ATAD3C: variants seen among roughly 807,000 people sequenced by gnomAD.
ATAD3C encodes the protein ATPase family AAA domain containing 3C, also known as ATPase family AAA domain-containing protein 3C.
A neutral mutation model predicts 46.3 loss-of-function variants in ATAD3C; 38 were observed. That is an observed-to-expected ratio of 0.82 (90% CI 0.63 to 1.08). The LOEUF is 1.08. ATAD3C is among the 50% of genes least tolerant of loss of function. The pLI is 0.00. For missense variants in ATAD3C, 563 were observed against 572.7 expected (o/e 0.98, Z 0.17); for synonymous variants, 220 against 236.4 (o/e 0.93, Z 0.63).
At position 1,452,434 on chromosome 1, in the gene ATAD3C, G is replaced by A. The variant is rs757248068; in HGVS notation, c.222G>A (p.Thr74=). The A allele has an allele frequency of 6.2e-6, 10 of 1,613,584 alleles. No homozygotes were observed. Among genetic ancestry groups the A allele is most frequent in the African/African-American group, 4.0e-5 (3 of 74,886 alleles). ...CAGACCGGGACAAAGTGACAGCCAC[G>A]GTAAACATACTCATAAAACAGGGCT... ...FVTDRDKVTA[T]VAGLTLLAVG... is the part of the protein sequence containing the mutation. The change falls in exon 3 of 12, where the codon ACG becomes ACA. Residue 74 remains threonine (T), a splice_region_variant and synonymous_variant. Coordinates refer to ENST00000378785, the MANE Select transcript of ATAD3C (RefSeq NM_001039211.3).
At chr1:1,457,077 G>GGGCTGCTCCT in intron 7 of ATAD3C, 52 bp from the exon 8 acceptor site, 5 of 1,610,004 alleles carry the variant, frequency 3.1e-6, no homozygotes, top group Non-Finnish European at 4.2e-6. Context: ...ACGCCGCTGT[G>GGGCTGCTCCT]GGCTGCTCCT....
chr1:1,461,241 GCA>G (rs1639059629), intron 10 of ATAD3C, among the ~76,000 whole-genome samples: 3 of 151,958 alleles, frequency 2.0e-5, no homozygotes, highest in Non-Finnish European at 4.4e-5. Flanking sequence ...AGGCTGGAGT[GCA>G]GTGGCACGAT....
Position 1,460,819 on chromosome 1 carries a change from G to A in ATAD3C, c.882G>A (p.Val294=). The A allele has an allele frequency of 1.2e-6, 2 of 1,613,042 alleles. No individual in the cohort carries two copies. Among genetic ancestry groups the A allele is most frequent in the Non-Finnish European group, 1.7e-6 (2 of 1,179,452 alleles). The change falls in exon 10 of 12, where the codon GTG becomes GTA. Residue 294 remains valine (V), a synonymous_variant. Transcript: ENST00000378785. ...FDWAINACID[V]MVHFDLPGQE... ...GGGCCATCAATGCCTGCATCGACGT[G>A]ATGGTCCACTTCGACCTGCCAGGGC...
Position 1,450,522 on chromosome 1 carries a change from C to T in ATAD3C, c.-162C>T, listed in dbSNP as rs989383619. On this transcript the variant is annotated 5_prime_UTR_variant, in exon 1 of 12. In the 5' UTR this introduces an upstream ATG that the reference lacks. Coordinates refer to ENST00000378785, the MANE Select transcript of ATAD3C (RefSeq NM_001039211.3). ...GTGTGCTGGGGATGGGGCATCGTCA[C>T]GCCAGGTCTGACTAGGAAGGAGGAT... 1.6e-5 allele frequency: 14 copies of T among 892,976 alleles called. No individual in the cohort carries two copies. The highest frequency in any genetic ancestry group is 1.1e-4 in the East Asian group (4 of 37,484). 55.3% of individuals were successfully genotyped at this position (892,976 alleles called of 1,614,324 possible). A position where few individuals can be genotyped will look rare whatever the true frequency, so the allele number is the denominator to read the frequency against.
intron 11 of ATAD3C, among the ~76,000 whole-genome samples, chr1:1,466,435 C>G (rs965317495): frequency 4.7e-5 from 7 of 149,640 alleles, no homozygotes; most frequent in Non-Finnish European, 1.0e-4. Context: ...TGCCTGTAGT[C>G]CCAGCTACTC....
chr1:1,465,177 C>T (rs994709871), intron 11 of ATAD3C, among the ~76,000 whole-genome samples: 1 of 151,722 alleles, frequency 6.6e-6, no homozygotes, highest in African/African-American at 2.4e-5. Context: ...GTGTGGGCCA[C>T]GGAGCCCGGT....
intron 4 of ATAD3C, 37 bp from the exon 5 acceptor site, chr1:1,455,423 G>A (rs1638941286): frequency 6.2e-7 from 1 of 1,607,906 alleles, no homozygotes; most frequent in African/African-American, 1.3e-5. Context: ...CCGTGGCTGT[G>A]GCAGGTGACC....
chr1:1,460,571 G>A (rs1298184668), intron 9 of ATAD3C, among the ~76,000 whole-genome samples, 179 bp from the exon 10 acceptor site: 3 of 152,062 alleles, frequency 2.0e-5, no homozygotes, highest in Non-Finnish European at 2.9e-5. Flanking sequence ...TGGGCGTGGT[G>A]GGGCAGGCAG....
Position 1,452,380 on chromosome 1 carries a change from G to T in ATAD3C, c.168G>T (p.Leu56Phe). Residue 56 changes from leucine to phenylalanine, a missense_variant, in exon 3 of 12, where the codon TTG (leucine) becomes TTT (phenylalanine). Leu to Phe is a conservative substitution (Grantham distance 22). This residue lies in a region of ATAD3C where 263 missense variants were observed against 243.1 expected (regional missense o/e 1.08). Transcript: ENST00000378785. ...FLESIRAAGT[L>F]FGEGFRAFVT... ...TTCCCCACAGGGCGGCTGGCACCTT[G>T]TTTGGGGAAGGATTCCGTGCCTTTG... 6.2e-7 allele frequency: 1 copy of T among 1,613,822 alleles called. No homozygotes were observed. Among genetic ancestry groups the T allele is most frequent in the Non-Finnish European group, 8.5e-7 (1 of 1,179,776 alleles).
chr1:1,465,569 C>T (rs1469580813), intron 11 of ATAD3C, among the ~76,000 whole-genome samples: 11 of 122,494 alleles, frequency 9.0e-5, no homozygotes, highest in Non-Finnish European at 1.3e-4. Context: ...CCAGCCTGGG[C>T]GACAGAGCAA....
chr1:1,460,370 T>C (rs78757391), intron 9 of ATAD3C, among the ~76,000 whole-genome samples: 23,183 of 152,050 alleles, frequency 0.15, 4,345 homozygotes, highest in East Asian at 0.47. Flanking sequence ...CGTGAGCCAC[T>C]GCGTCTGGCC....
At chr1:1,454,279 G>T (rs561180764) in intron 3 of ATAD3C, 66 bp from the exon 4 acceptor site, 1 of 1,531,278 alleles carries the variant, frequency 6.5e-7, no homozygotes, top group South Asian at 1.2e-5. Context: ...GCAGCCCCGT[G>T]CGTCTCCTGC....
chr1:1,454,320 C>T lies in ATAD3C; in HGVS notation c.223-25C>T, dbSNP rs778383372. On this transcript the variant is annotated intron_variant, in intron 3 of 11. Coordinates refer to ENST00000378785, the MANE Select transcript of ATAD3C (RefSeq NM_001039211.3). Reference sequence around the variant, plus strand: ...GAGGGAGGGACGGTGGGGGCCGGTGCGCCAGTGCGGTGTCTCTGCTGCAGG... The same window carrying T: ...GAGGGAGGGACGGTGGGGGCCGGTGTGCCAGTGCGGTGTCTCTGCTGCAGG... The T allele has an allele frequency of 3.3e-5, 52 of 1,586,816 alleles. 2 individuals carry two copies. The highest frequency in any genetic ancestry group is 4.5e-4 in the Middle Eastern group (2 of 4,428).
At chr1:1,461,362 ATT>A in intron 10 of ATAD3C, among the ~76,000 whole-genome samples, 1 of 151,648 alleles carries the variant, frequency 6.6e-6, no homozygotes, top group East Asian at 1.9e-4. Flanking sequence ...TACTTTTCGT[ATT>A]TTTTGTGGAG....
Position 1,452,050 on chromosome 1 carries a change from T to G in ATAD3C, c.80T>G (p.Leu27Arg). 1 of 1,613,580 alleles carries G rather than the reference T, an allele frequency of 6.2e-7. No individual in the cohort carries two copies. Among genetic ancestry groups the G allele is most frequent in the Non-Finnish European group, 8.5e-7 (1 of 1,179,602 alleles). ...TTTTCTGCGGCTTCTTCTCAGCAAC[T>G]TGTCAATGAGGATTTACGGAAGCAG... is the stretch of plus-strand genomic sequence containing the variant. ...QLEQQSKLKQ[L>R]VNEDLRKQEE... is the part of the protein sequence containing the mutation. Residue 27 changes from leucine to arginine, a missense_variant, in exon 2 of 12, where the codon CTT (leucine) becomes CGT (arginine). Physicochemically the swap from Leu to Arg is moderately radical, Grantham distance 102. This residue lies in a region of ATAD3C where 263 missense variants were observed against 243.1 expected (regional missense o/e 1.08). Transcript: ENST00000378785.
At chr1:1,457,488 C>T (rs980961813) in intron 8 of ATAD3C, among the ~76,000 whole-genome samples, 4 of 144,290 alleles carry the variant, frequency 2.8e-5, no homozygotes, top group East Asian at 2.2e-4. Context: ...CCCAGCTACT[C>T]GGGAGGCTGA....
At chr1:1,461,756 A>G (rs552150949) in intron 10 of ATAD3C, among the ~76,000 whole-genome samples, 5 of 149,624 alleles carry the variant, frequency 3.3e-5, no homozygotes, top group East Asian at 2.0e-4. Context: ...TGAGACCCCC[A>G]TGTCGGGACT....
At position 1,462,928 on chromosome 1, in the gene ATAD3C, C is replaced by T. The variant is rs1223678329; in HGVS notation, c.1089+220C>T. On this transcript the variant is annotated intron_variant, in intron 11 of 11. Transcript: ENST00000378785. This position sits in a 1 kb window ranked among gnomAD's most constrained non-coding sequence, Gnocchi z 4.5. ...AGGGTGGGGCCATGTCAGTGGCTGACGGTCACAGGTCAGGAAGCCAGTGCG... is the reference window on the plus strand; with the variant it reads ...AGGGTGGGGCCATGTCAGTGGCTGATGGTCACAGGTCAGGAAGCCAGTGCG... Among the ~76,000 whole-genome samples, 2 of 152,134 alleles carry T rather than the reference C, an allele frequency of 1.3e-5. No individual in the cohort carries two copies. The highest frequency in any genetic ancestry group is 2.1e-4 in the South Asian group (1 of 4,818).
Position 1,460,695 on chromosome 1 carries a change from T to A in ATAD3C, c.813-55T>A, listed in dbSNP as rs1303284537. 4 of 1,534,136 alleles carry A rather than the reference T, an allele frequency of 2.6e-6. No homozygotes were observed. The African/African-American group carries it at 5.5e-5, about 21-fold the overall frequency. ...GGGGGCTGAGGAGCACCTGTTCCCCTGGGGACAGCTCGGCCGGCAGCCCCA... is the reference window on the plus strand; with the variant it reads ...GGGGGCTGAGGAGCACCTGTTCCCCAGGGGACAGCTCGGCCGGCAGCCCCA... On this transcript the variant is annotated intron_variant, in intron 9 of 11. Coordinates refer to ENST00000378785, the MANE Select transcript of ATAD3C (RefSeq NM_001039211.3).
Sources: gnomAD v4.1 joint callset for allele counts (sites outside exome capture counted in the v4.1 genomes callset) on GRCh38, gnomAD v4.1.1 for gene constraint, gnomAD v4.1.1 regional missense constraint, Gnocchi (gnomAD v3.1) non-coding constraint, MANE v1.5 for transcripts, NCBI Gene and HGNC (gene_info 2026-07-23, HGNC 2026-07-21) for gene names.